WNK3: variants seen among roughly 807,000 people sequenced by gnomAD.
The protein encoded by WNK3 is serine/threonine-protein kinase WNK3.
A neutral mutation model predicts 116.7 loss-of-function variants in WNK3; 18 were observed. The observed-to-expected ratio is 0.15, with a 90% CI of 0.11 to 0.23. The LOEUF is 0.23. WNK3 is among the 10% of genes least tolerant of loss of function. The probability of loss-of-function intolerance (pLI) is 1.00; values close to 1 mark genes in which losing one functional copy is unlikely to be tolerated. For synonymous variants in WNK3, 404 were observed against 469.4 expected (o/e 0.86, Z 1.80); for missense variants, 993 against 1,323.8 (o/e 0.75, Z 3.88).
chrX:54,280,437 TATAA>T (rs1557162109), intron 10 of WNK3, among the ~76,000 whole-genome samples: 25 of 111,840 alleles, frequency 2.2e-4, no homozygotes, highest in Admixed American at 6.7e-4. Flanking sequence ...AATTACAGGA[TATAA>T]TGGAAACTCA....
intron 1 of WNK3, among the ~76,000 whole-genome samples, chrX:54,334,930 TTAAG>T (rs782195374): frequency 9.0e-6 from 1 of 111,665 alleles, no homozygotes; most frequent in Non-Finnish European, 1.9e-5. Context: ...TGGTGTTTAA[TTAAG>T]TATCTCAAAA....
chrX:54,311,342 C>T, intron 2 of WNK3, 51 bp from the exon 3 acceptor site: 1 of 971,676 alleles, frequency 1.0e-6, no homozygotes, highest in Non-Finnish European at 1.5e-6. Flanking sequence ...TTCTCATGCA[C>T]ATTTCTAATA....
At chrX:54,208,081 C>T (rs1285439898) in intron 22 of WNK3, among the ~76,000 whole-genome samples, 1 of 110,602 alleles carries the variant, frequency 9.0e-6, no homozygotes, top group African/African-American at 3.3e-5. Flanking sequence ...TATTTATCTA[C>T]CTTACAGAGA....
At chrX:54,215,898 A>T (rs1379938882) in intron 22 of WNK3, among the ~76,000 whole-genome samples, 2 of 111,810 alleles carry the variant, frequency 1.8e-5, no homozygotes, top group East Asian at 2.8e-4. Flanking sequence ...GTGTAGAAAG[A>T]AGTAGACATA....
chrX:54,223,611 C>G (rs2067795012), intron 22 of WNK3: 1 of 113,259 alleles, frequency 8.8e-6, no homozygotes, highest in South Asian at 3.5e-4. Flanking sequence ...TACACAACTG[C>G]TTAAGCTGGC....
intron 10 of WNK3, among the ~76,000 whole-genome samples, chrX:54,287,374 A>G (rs1557164151): frequency 9.0e-6 from 1 of 111,426 alleles, no homozygotes; most frequent in Non-Finnish European, 1.9e-5. Context: ...GGGCCTTTGC[A>G]CCTGTTATTC....
chrX:54,216,444 C>A (rs2067696966), intron 22 of WNK3, among the ~76,000 whole-genome samples: 1 of 109,794 alleles, frequency 9.1e-6, no homozygotes, highest in Admixed American at 9.9e-5. Flanking sequence ...CAAGGCATTA[C>A]TGAAACTATG....
At chrX:54,291,434 T>C (rs2068639466) in intron 10 of WNK3, among the ~76,000 whole-genome samples, 1 of 112,642 alleles carries the variant, frequency 8.9e-6, no homozygotes, top group Non-Finnish European at 1.9e-5. Flanking sequence ...GGCTTTATTT[T>C]AAAATAAGCA....
intron 23 of WNK3, among the ~76,000 whole-genome samples, chrX:54,201,012 A>C (rs1193477138): frequency 2.7e-5 from 3 of 111,945 alleles, no homozygotes; most frequent in African/African-American, 9.7e-5. Flanking sequence ...ATGACTATAC[A>C]TGTACACATA....
intron 2 of WNK3, among the ~76,000 whole-genome samples, chrX:54,327,796 C>T (rs1557173721): frequency 9.1e-6 from 1 of 109,435 alleles, no homozygotes; most frequent in African/African-American, 3.3e-5. Flanking sequence ...GGCAAAACCC[C>T]GTCTCTACAA....
chrX:54,326,040 T>C (rs1557173303), intron 2 of WNK3, among the ~76,000 whole-genome samples: 1 of 111,207 alleles, frequency 9.0e-6, no homozygotes, highest in African/African-American at 3.3e-5. Context: ...ACCAAAGTTT[T>C]TACAAAGAAC....
chrX:54,244,935 T>C (rs1235299230), intron 17 of WNK3, among the ~76,000 whole-genome samples: 2 of 111,122 alleles, frequency 1.8e-5, no homozygotes, highest in Non-Finnish European at 3.8e-5. Context: ...GTCCCTAACC[T>C]TGGCAAAATA....
At chrX:54,342,098 AAAAAAC>A (rs1301633140) in intron 1 of WNK3, among the ~76,000 whole-genome samples, 1 of 109,939 alleles carries the variant, frequency 9.1e-6, no homozygotes, top group Non-Finnish European at 1.9e-5. Flanking sequence ...CTGTCTCTAC[AAAAAAC>A]AAAATTAAAA....
intron 10 of WNK3, among the ~76,000 whole-genome samples, chrX:54,284,409 T>C (rs1399569746): frequency 9.0e-6 from 1 of 111,621 alleles, no homozygotes; most frequent in East Asian, 2.8e-4. Context: ...GGAGCTCTCA[T>C]ACATTGCTGG....
intron 1 of WNK3, among the ~76,000 whole-genome samples, chrX:54,343,291 G>A (rs782725397): frequency 1.3e-3 from 142 of 110,721 alleles, no homozygotes; most frequent in African/African-American, 4.3e-3. Context: ...GGTGGATCAC[G>A]AGGTCAGGAG....
At chrX:54,275,012 T>TAAAA (rs142853353) in intron 10 of WNK3, among the ~76,000 whole-genome samples, 1 of 39,945 alleles carries the variant, frequency 2.5e-5, no homozygotes, top group Non-Finnish European at 5.5e-5. Flanking sequence ...CCCTGTCACA[T>TAAAA]AAAAAAAAAA....
rs1271709109 is a variant in WNK3 at position 54,314,037 on chromosome X, C to CA, written c.538-2747dup. ...TGAAACCCTGTCTCTAATAAAAACA[C>CA]AAAAAATTAGCCAGGTGTGGTGGCA... On this transcript the variant is annotated intron_variant, in intron 2 of 23. Transcript: ENST00000354646. Among the ~76,000 whole-genome samples the CA allele has an allele frequency of 1.5e-4, 16 of 108,102 alleles. No individual in the cohort carries two copies. The South Asian group carries it at 6.7e-3, about 46-fold the overall frequency. The allele number at this position is 108,102 out of a possible 115,157, so 93.9% of individuals were successfully genotyped here. A position where few individuals can be genotyped will look rare whatever the true frequency, so the allele number is the denominator to read the frequency against.
intron 1 of WNK3, among the ~76,000 whole-genome samples, chrX:54,344,681 A>T (rs1160924021): frequency 9.0e-6 from 1 of 111,182 alleles, no homozygotes; most frequent in Non-Finnish European, 1.9e-5. Flanking sequence ...GCGGTGGCTC[A>T]CGCCTGTAAT....
chrX:54,301,743 T>C, intron 6 of WNK3, 28 bp downstream of exon 6: 1 of 1,151,349 alleles, frequency 8.7e-7, no homozygotes, highest in African/African-American at 1.8e-5. Context: ...ATCTTTCAGT[T>C]ATGTCATTTT....
Sources: gnomAD v4.1 joint callset for allele counts (sites outside exome capture counted in the v4.1 genomes callset) on GRCh38, gnomAD v4.1.1 for gene constraint, MANE v1.5 for transcripts, NCBI Gene and HGNC (gene_info 2026-07-23, HGNC 2026-07-21) for gene names.